The following FAM186A variants were observed in gnomAD, a reference collection of about 807,000 sequenced individuals.
The protein encoded by FAM186A is protein FAM186A.
FAM186A carries 163 observed loss-of-function variants against 216.8 expected under a neutral mutation model. The observed-to-expected ratio is 0.75, with a 90% CI of 0.66 to 0.86. The LOEUF (loss-of-function observed/expected upper bound fraction) is 0.86. FAM186A is among the 40% of genes least tolerant of loss of function. FAM186A has a pLI of 0.00. For missense variants in FAM186A, 2,184 were observed against 2,746.2 expected (o/e 0.80, Z 4.58); for synonymous variants, 805 against 1,025.3 (o/e 0.79, Z 4.10).
chr12:50,371,483 G>A (rs535495960), intron 1 of FAM186A, among the ~76,000 whole-genome samples: 151 of 152,222 alleles, frequency 9.9e-4, no homozygotes, highest in African/African-American at 3.6e-3. Context: ...AGGATATTTT[G>A]ACATACACTA....
chr12:50,335,506 C>T (rs1052981566), intron 4 of FAM186A, among the ~76,000 whole-genome samples: 4 of 151,354 alleles, frequency 2.6e-5, no homozygotes, highest in Non-Finnish European at 5.9e-5. Flanking sequence ...TAGCCAGGTG[C>T]GGTGGCAGGT....
At chr12:50,376,166 A>G (rs1165696726) in intron 1 of FAM186A, among the ~76,000 whole-genome samples, 1 of 152,144 alleles carries the variant, frequency 6.6e-6, no homozygotes, top group Non-Finnish European at 1.5e-5. Context: ...GGGCCCTCAG[A>G]AGGATCACCA....
intron 4 of FAM186A, among the ~76,000 whole-genome samples, chr12:50,346,352 C>T (rs779340262): frequency 6.6e-6 from 1 of 152,032 alleles, no homozygotes; most frequent in Non-Finnish European, 1.5e-5. Context: ...CTGCCTCAGC[C>T]ACCCGAGTAT....
intron 1 of FAM186A, among the ~76,000 whole-genome samples, chr12:50,384,867 G>A (rs193048241): frequency 7.4e-4 from 113 of 151,936 alleles, no homozygotes; most frequent in Non-Finnish European, 1.3e-3. Context: ...GTGCATTGGC[G>A]CGATCTTGGC....
intron 4 of FAM186A, among the ~76,000 whole-genome samples, chr12:50,337,789 G>T (rs865856774): frequency 6.6e-6 from 1 of 151,988 alleles, no homozygotes; most frequent in African/African-American, 2.4e-5. Context: ...CCAGCTACTC[G>T]GGAGGCTGAG....
At chr12:50,336,560 C>A (rs1279700602) in intron 4 of FAM186A, among the ~76,000 whole-genome samples, 1 of 152,142 alleles carries the variant, frequency 6.6e-6, no homozygotes, top group East Asian at 1.9e-4. Flanking sequence ...ATTTTAAAAT[C>A]TCAGGTAACT....
At chr12:50,370,641 TCTC>T (rs1198400637) in intron 1 of FAM186A, among the ~76,000 whole-genome samples, 1 of 152,106 alleles carries the variant, frequency 6.6e-6, no homozygotes, top group Admixed American at 6.6e-5. Context: ...TAGCAATTGT[TCTC>T]TGTGTATACA....
At chr12:50,367,245 A>C (rs1204344710) in intron 1 of FAM186A, among the ~76,000 whole-genome samples, 1 of 152,024 alleles carries the variant, frequency 6.6e-6, no homozygotes, top group Non-Finnish European at 1.5e-5. Flanking sequence ...AAGGCCAGAC[A>C]CGGTGCCTCA....
At position 50,351,279 on chromosome 12, in the gene FAM186A, A is replaced by T. The variant is rs936998965; in HGVS notation, c.5553T>A (p.Ser1851Arg). Residue 1851 changes from serine (S) to arginine (R), a missense_variant, in exon 4 of 8, where the codon AGT (serine) becomes AGA (arginine). Transcript: ENST00000327337. ...GVPPTSGQIP[S>R]LWAPLSPGQP... ...GCCCAGGAGAAAGAGGAGCCCAGAG[A>T]CTTGGAATCTGTCCAGAAGTGGGTG... 1 of 1,548,848 alleles carries T rather than the reference A, an allele frequency of 6.5e-7. No homozygotes were observed. The highest frequency in any genetic ancestry group is 1.4e-5 in the African/African-American group (1 of 72,832).
At chr12:50,364,578 T>TAAATAAAATA (rs1447432357) in intron 1 of FAM186A, among the ~76,000 whole-genome samples, 24 of 136,630 alleles carry the variant, frequency 1.8e-4, no homozygotes, top group Admixed American at 1.7e-3. Context: ...AATAAATAAA[T>TAAATAAAATA]AAAATAAAAA....
chr12:50,343,918 CTT>C (rs71083535), intron 4 of FAM186A, among the ~76,000 whole-genome samples: 12 of 136,798 alleles, frequency 8.8e-5, no homozygotes, highest in Admixed American at 2.9e-4. Context: ...CACACCCAGC[CTT>C]TTTTTTTTTT....
chr12:50,379,463 G>A (rs1250117279), intron 1 of FAM186A, among the ~76,000 whole-genome samples: 5 of 47,964 alleles, frequency 1.0e-4, no homozygotes, highest in African/African-American at 1.3e-4. Flanking sequence ...AAGAAAAAAA[G>A]AGGGAAAAAC....
At position 50,396,405 on chromosome 12, in the gene FAM186A, C is replaced by A. The variant is rs899645758; in HGVS notation, c.80G>T (p.Arg27Ile). The change falls in exon 1 of 8, where the codon AGA becomes ATA. Residue 27 changes from arginine to isoleucine, a missense_variant. Around this residue, in one of 7 missense-constraint regions of FAM186A, gnomAD observed 1,132 missense variants for 1,263.4 expected, o/e 0.90. Coordinates refer to ENST00000327337, the MANE Select transcript of FAM186A (RefSeq NM_001145475.3). The stretch of plus-strand genomic sequence containing the variant: ...AGGACTAAGGATATTTTGGGGCTCT[C>A]TTCTCATGATGGTGGAATCCTTGAT... ...KCIKDSTIMR[R>I]EPQNILSPLM... is the part of the protein sequence containing the mutation. 6.4e-7 allele frequency: 1 copy of A among 1,551,598 alleles called. No individual in the cohort carries two copies. The highest frequency in any genetic ancestry group is 8.7e-7 in the Non-Finnish European group (1 of 1,146,962).
At chr12:50,379,282 T>C (rs908557930) in intron 1 of FAM186A, among the ~76,000 whole-genome samples, 3 of 151,202 alleles carry the variant, frequency 2.0e-5, no homozygotes, top group Non-Finnish European at 4.4e-5. Context: ...CTACTAAAAA[T>C]ACAAAAAATT....
At chr12:50,332,808 A>T (rs1477772645) in intron 5 of FAM186A, among the ~76,000 whole-genome samples, 2 of 152,132 alleles carry the variant, frequency 1.3e-5, no homozygotes, top group African/African-American at 4.8e-5. Context: ...TGGGCGGTTC[A>T]CTTGAGGTCA....
intron 4 of FAM186A, among the ~76,000 whole-genome samples, chr12:50,336,994 C>T (rs769964866): frequency 2.6e-5 from 4 of 151,596 alleles, no homozygotes; most frequent in Non-Finnish European, 5.9e-5. Context: ...AAGAATAATT[C>T]TTAGCTCTTA....
At position 50,372,998 on chromosome 12, in the gene FAM186A, TGAAA is replaced by T. The variant is rs71083549; in HGVS notation, c.193-9638_193-9635del. Among the ~76,000 whole-genome samples the T allele has an allele frequency of 4.5e-3, 222 of 49,004 alleles. 1 individual carries two copies. The highest frequency in any genetic ancestry group is 0.015 in the African/African-American group (213 of 13,868). 32.1% of individuals were successfully genotyped at this position (49,004 alleles called of 152,430 possible). Reference sequence around the variant, plus strand: ...ACGGAGGGAGGAAGGAAGGAAGGAATGAAAGAAAGAAAGAAAGAAAGAAAGAAAG... The same window carrying T: ...ACGGAGGGAGGAAGGAAGGAAGGAATGAAAGAAAGAAAGAAAGAAAGAAAG... On this transcript the variant is annotated intron_variant, in intron 1 of 7. Transcript: ENST00000327337.
At chr12:50,335,907 C>T (rs549038034) in intron 4 of FAM186A, among the ~76,000 whole-genome samples, 3 of 152,076 alleles carry the variant, frequency 2.0e-5, no homozygotes, top group Non-Finnish European at 2.9e-5. Flanking sequence ...GGGCAGATCA[C>T]GAGGTCAGGG....
intron 1 of FAM186A, among the ~76,000 whole-genome samples, chr12:50,378,578 ATATG>A (rs1943222852): frequency 8.4e-5 from 1 of 11,848 alleles, no homozygotes; most frequent in African/African-American, 9.6e-5. Context: ...ATATATACAC[ATATG>A]TAAATTGTAT....
Sources: allele counts gnomAD v4.1 joint callset (sites outside exome capture counted in the v4.1 genomes callset), GRCh38; gene constraint gnomAD v4.1.1; regional missense constraint gnomAD v4.1.1; transcripts MANE v1.5; gene names NCBI Gene and HGNC (gene_info 2026-07-23, HGNC 2026-07-21).